The following HABP2 variants were observed in gnomAD, a reference collection of about 807,000 sequenced individuals.
HABP2 encodes hyaluronan binding protein 2.
A neutral mutation model predicts 66.5 loss-of-function variants in HABP2; 65 were observed. The ratio of observed to expected loss-of-function variants is 0.98; its 90% CI spans 0.80 to 1.20. The LOEUF is 1.20. HABP2 is among the 50% of genes most tolerant of loss of function. The probability of loss-of-function intolerance (pLI) is 0.00; values close to 1 mark genes in which losing one functional copy is unlikely to be tolerated. For missense variants in HABP2, 786 were observed against 691.0 expected, an observed-to-expected ratio of 1.14 and a Z score of -1.54; for synonymous variants, 263 against 253.9, an observed-to-expected ratio of 1.04 and a Z score of -0.34.
chr10:113,561,860 T>C (rs924939344), intron 1 of HABP2, among the ~76,000 whole-genome samples: 3 of 152,140 alleles, frequency 2.0e-5, no homozygotes, highest in Admixed American at 2.0e-4. Flanking sequence ...GGATTAAATA[T>C]AGGACAAAAT....
chr10:113,576,402 G>C (rs1358468628), intron 4 of HABP2, among the ~76,000 whole-genome samples: 2 of 152,164 alleles, frequency 1.3e-5, no homozygotes, highest in Non-Finnish European at 2.9e-5. Flanking sequence ...CCAGAGAGTG[G>C]GGGCATTTGA....
chr10:113,580,808 C>T, intron 8 of HABP2, 116 bp downstream of exon 8: 2 of 629,306 alleles, frequency 3.2e-6, no homozygotes, highest in East Asian at 2.7e-5. Flanking sequence ...CCTGCTTTAC[C>T]AATTCCCATC....
chr10:113,554,735 C>T (rs1378940098), intron 1 of HABP2, among the ~76,000 whole-genome samples: 4 of 152,158 alleles, frequency 2.6e-5, no homozygotes, highest in Admixed American at 6.5e-5. Context: ...AACGTTGACA[C>T]GGTATGTTTG....
At chr10:113,557,852 C>T (rs1027902791) in intron 1 of HABP2, among the ~76,000 whole-genome samples, 1 of 152,362 alleles carries the variant, frequency 6.6e-6, no homozygotes, top group Middle Eastern at 3.4e-3. Context: ...AAGCTTCTCT[C>T]AAACCCTATG....
chr10:113,551,197 TG>T (rs1844892271), upstream of HABP2, among the ~76,000 whole-genome samples: 4 of 152,256 alleles, frequency 2.6e-5, no homozygotes, highest in African/African-American at 9.6e-5. Context: ...TGGGCATCTA[TG>T]CCAAGGATTC....
chr10:113,552,790 G>A (rs565680241), upstream of HABP2, among the ~76,000 whole-genome samples: 1 of 152,138 alleles, frequency 6.6e-6, no homozygotes, highest in Non-Finnish European at 1.5e-5. Context: ...TGGGATGCTA[G>A]TCACGCTGTC....
chr10:113,577,081 G>A (rs1273261568), intron 4 of HABP2, 69 bp from the exon 5 acceptor site: 4 of 874,286 alleles, frequency 4.6e-6, no homozygotes, highest in Admixed American at 3.4e-5. Flanking sequence ...CTCAAACATT[G>A]TTTTATACAT....
chr10:113,561,560 C>A (rs1057009484), intron 1 of HABP2, among the ~76,000 whole-genome samples: 9 of 152,188 alleles, frequency 5.9e-5, no homozygotes, highest in African/African-American at 2.2e-4. Context: ...TACCACCAGG[C>A]ATAGGGTAGA....
At chr10:113,561,478 G>T (rs944765055) in intron 1 of HABP2, among the ~76,000 whole-genome samples, 2 of 152,144 alleles carry the variant, frequency 1.3e-5, no homozygotes, top group African/African-American at 4.8e-5. Context: ...CCATGGCCAT[G>T]GTACAGAGGT....
Position 113,582,123 on chromosome 10 carries a change from C to T in HABP2, c.1086C>T (p.His362=). The T allele has an allele frequency of 6.2e-7, 1 of 1,605,194 alleles. No homozygotes were observed. Among genetic ancestry groups the T allele is most frequent in the Non-Finnish European group, 8.5e-7 (1 of 1,179,388 alleles). The part of the protein sequence containing the change: ...IHPCWVLTAA[H]CTDIKTRHLK... The stretch of plus-strand genomic sequence containing the variant: ...CCTGCTGGGTGCTCACTGCTGCCCA[C>T]TGCACCGAGTAGGTGCCGCTGGGAG... Residue 362 remains histidine (H), a synonymous_variant, in exon 9 of 13, where the codon CAC becomes CAT. Transcript: ENST00000351270.
rs370196343 is a variant in HABP2 at position 113,585,773 on chromosome 10, T to A, written c.1373-20T>A. ...CTGGTCCCCACAGTAGTGACTCTTTTCTCTGCACCTTCCCCACAGGAAAAG... is the reference window on the plus strand; with the variant it reads ...CTGGTCCCCACAGTAGTGACTCTTTACTCTGCACCTTCCCCACAGGAAAAG... On this transcript the variant is annotated intron_variant, in intron 11 of 12. Transcript: ENST00000351270. 4.7e-5 allele frequency: 75 copies of A among 1,609,554 alleles called. No homozygotes were observed. Among genetic ancestry groups the A allele is most frequent in the Non-Finnish European group, 5.8e-5 (68 of 1,176,028 alleles).
In HABP2 at chr10:113,578,934, G is replaced by C. The variant is rs1409535170; in HGVS notation, c.740+136G>C. On this transcript the variant is annotated intron_variant, in intron 7 of 12. Transcript: ENST00000351270. ...TGTTATGCTGCTGTAGTAAACAACTGCCAAATGTCAGTGGCTCAAATACAT... is the reference window on the plus strand; with the variant it reads ...TGTTATGCTGCTGTAGTAAACAACTCCCAAATGTCAGTGGCTCAAATACAT... 3 of 646,188 alleles carry C rather than the reference G, an allele frequency of 4.6e-6. No homozygotes were observed. In the African/African-American group the frequency reaches 5.5e-5, roughly 12 times the overall value. 40.0% of individuals were successfully genotyped at this position (646,188 alleles called of 1,614,324 possible). A position where few individuals can be genotyped will look rare whatever the true frequency, so the allele number is the denominator to read the frequency against.
intron 8 of HABP2, among the ~76,000 whole-genome samples, chr10:113,580,895 G>A (rs1396386009): frequency 2.0e-5 from 3 of 152,176 alleles, no homozygotes; most frequent in Non-Finnish European, 4.4e-5. Context: ...GTGGGTTTAG[G>A]TCAGGTAGTC....
intron 3 of HABP2, among the ~76,000 whole-genome samples, chr10:113,574,762 A>G (rs1845378223): frequency 6.6e-6 from 1 of 152,172 alleles, no homozygotes; most frequent in African/African-American, 2.4e-5. Context: ...TACAGGTCAG[A>G]CCCTAAGGAT....
chr10:113,577,002 C>G (rs1845423758), intron 4 of HABP2, 148 bp from the exon 5 acceptor site: 1 of 621,138 alleles, frequency 1.6e-6, no homozygotes, highest in African/African-American at 1.9e-5. Flanking sequence ...TAGACAGAAG[C>G]CTTGTCCTGG....
At chr10:113,583,434 G>T (rs1204572616) in intron 10 of HABP2, 76 bp downstream of exon 10, 1 of 1,267,290 alleles carries the variant, frequency 7.9e-7, no homozygotes, top group African/African-American at 1.5e-5. Context: ...GCTGAAGTTT[G>T]GTTCTAGAAG....
At chr10:113,562,324 G>C (rs551888887) in intron 1 of HABP2, among the ~76,000 whole-genome samples, 4 of 152,104 alleles carry the variant, frequency 2.6e-5, no homozygotes, top group Admixed American at 6.5e-5. Context: ...TTGTTAAGAT[G>C]TGTTTACCGC....
At chr10:113,588,108 C>T (rs1432803627) in intron 12 of HABP2, 97 bp from the exon 13 acceptor site, 18 of 1,006,602 alleles carry the variant, frequency 1.8e-5, no homozygotes, top group Non-Finnish European at 2.3e-5. Flanking sequence ...GCAAGGGACT[C>T]CACCCCATCC....
At chr10:113,587,041 G>A (rs11196387) in intron 12 of HABP2, among the ~76,000 whole-genome samples, 20,467 of 152,236 alleles carry the variant, frequency 0.13, 1,599 homozygotes, top group Admixed American at 0.26. Context: ...CTGGGCATGC[G>A]TGGTGGCTCA....
Sources: gnomAD v4.1 joint callset for allele counts (sites outside exome capture counted in the v4.1 genomes callset) on GRCh38, gnomAD v4.1.1 for gene constraint, MANE v1.5 for transcripts, NCBI Gene and HGNC (gene_info 2026-07-23, HGNC 2026-07-21) for gene names.